The following DMD variants were observed in gnomAD, a reference collection of about 807,000 sequenced individuals.
The protein encoded by DMD is dystrophin, also known as mutant dystrophin.
DMD carries 63 observed loss-of-function variants against 330.1 expected under a neutral mutation model. That is an observed-to-expected ratio of 0.19 (90% confidence interval 0.16 to 0.24). The LOEUF (loss-of-function observed/expected upper bound fraction) is 0.24. Ranked by LOEUF, DMD falls within the 10% of genes least tolerant of loss-of-function variation. The pLI is 1.00. For synonymous variants in DMD, 1,223 were observed against 959.8 expected, an observed-to-expected ratio of 1.27 and a Z score of -5.07; for missense variants, 3,344 against 2,684.1, an observed-to-expected ratio of 1.25 and a Z score of -5.43.
intron 48 of DMD, among the ~76,000 whole-genome samples, chrX:31,854,293 C>A (rs891076052): frequency 1.8e-5 from 2 of 111,413 alleles, no homozygotes; most frequent in Non-Finnish European, 3.8e-5. Flanking sequence ...GCACATTTTT[C>A]TTGGTGAAAA....
Position 33,328,418 on chromosome X carries a change from G to A in DMD, c.7+10841C>T, listed in dbSNP as rs185397802. On this transcript the variant is annotated intron_variant, in intron 1 of 17. Transcript: ENST00000288447. ...TCACCATATTGGCCAGGCTGGTCTC[G>A]AACTCCTGACCTCATGATACACCCA... Among the ~76,000 whole-genome samples, 31 of 110,194 alleles carry A rather than the reference G, an allele frequency of 2.8e-4. 1 individual carries two copies. The South Asian group carries it at 9.5e-3, about 34-fold the overall frequency.
Position 33,062,712 on chromosome X carries a change from G to A in DMD, c.32-42512C>T, listed in dbSNP as rs750323842. Among the ~76,000 whole-genome samples the A allele has an allele frequency of 1.3e-4, 15 of 111,488 alleles. No homozygotes were observed. The East Asian group carries it at 2.0e-3, about 15-fold the overall frequency. On this transcript the variant is annotated intron_variant, in intron 1 of 78. Coordinates refer to ENST00000357033, the MANE Select transcript of DMD (RefSeq NM_004006.3). ...GGCTGGTCTTGAACTCCTGGCCTCCGGTGATCCACCCGCCTCGGCCTCCCA... is the reference window on the plus strand; with the variant it reads ...GGCTGGTCTTGAACTCCTGGCCTCCAGTGATCCACCCGCCTCGGCCTCCCA...
rs1488051855 is a variant in DMD, at chrX:32,156,971, C to T, written c.6438+59945G>A. Among the ~76,000 whole-genome samples the T allele has an allele frequency of 2.7e-5, 3 of 112,020 alleles. No homozygotes were observed. In the East Asian group the frequency reaches 8.4e-4, roughly 31 times the overall value. On this transcript the variant is annotated intron_variant, in intron 44 of 78. Transcript: ENST00000357033. ...TCCGCCAAGCGCCTATTTACAGGCA[C>T]AGGTGTGTGCCTATCGGGACAGCTG...
intron 34 of DMD, among the ~76,000 whole-genome samples, chrX:32,373,319 G>A (rs1603631935): frequency 9.2e-6 from 1 of 108,742 alleles, no homozygotes; most frequent in East Asian, 2.9e-4. Flanking sequence ...ACTCATTCAA[G>A]AAGAAGACAT....
At chrX:31,387,157 G>A (rs923441391) in intron 60 of DMD, among the ~76,000 whole-genome samples, 2 of 111,391 alleles carry the variant, frequency 1.8e-5, no homozygotes, top group Non-Finnish European at 3.8e-5. Context: ...AGACTCTATA[G>A]GAAGCTAAAA....
At chrX:31,233,423 G>A (rs17340602) in intron 63 of DMD, among the ~76,000 whole-genome samples, 1 of 111,456 alleles carries the variant, frequency 9.0e-6, no homozygotes, top group African/African-American at 3.3e-5. Context: ...GTTATAAAAG[G>A]TAAGACTCTA....
At chrX:33,228,734 T>C (rs1200043924) in intron 1 of DMD, among the ~76,000 whole-genome samples, 1 of 106,833 alleles carries the variant, frequency 9.4e-6, no homozygotes, top group Non-Finnish European at 1.9e-5. Context: ...TGAGACAGGG[T>C]CTCACTCTGT....
intron 76 of DMD, among the ~76,000 whole-genome samples, chrX:31,142,952 T>C (rs890414064): frequency 1.8e-5 from 2 of 112,013 alleles, no homozygotes; most frequent in African/African-American, 6.5e-5. Context: ...ACTTGTCTCA[T>C]GTTTCACTTA....
intron 23 of DMD, among the ~76,000 whole-genome samples, chrX:32,466,351 G>A (rs956150050): frequency 6.3e-5 from 7 of 111,275 alleles, no homozygotes; most frequent in Admixed American, 5.7e-4. Flanking sequence ...CCTATGTTCC[G>A]ATAATATTTC....
intron 43 of DMD, among the ~76,000 whole-genome samples, chrX:32,218,142 G>A (rs983792011): frequency 9.0e-6 from 1 of 111,588 alleles, no homozygotes; most frequent in African/African-American, 3.3e-5. Flanking sequence ...TAAGACAGTT[G>A]CACATAAGAA....
chrX:31,874,236 G>A (rs1244519544), intron 48 of DMD, among the ~76,000 whole-genome samples: 2 of 111,322 alleles, frequency 1.8e-5, no homozygotes, highest in African/African-American at 3.3e-5. Flanking sequence ...AAAGAAGAGA[G>A]AAAACCAAGA....
At chrX:32,362,750 T>A (rs1246030586) in intron 37 of DMD, 38 bp downstream of exon 37, 2 of 1,204,574 alleles carry the variant, frequency 1.7e-6, no homozygotes, top group Non-Finnish European at 1.1e-6. Context: ...CAAGAGACCA[T>A]TTAGCACAAG....
intron 16 of DMD, among the ~76,000 whole-genome samples, chrX:32,559,285 G>C (rs1442709283): frequency 9.0e-6 from 1 of 110,992 alleles, no homozygotes; most frequent in Non-Finnish European, 1.9e-5. Context: ...ACTTTAACCT[G>C]AGGAATTACC....
chrX:32,875,683 G>A (rs773429194), intron 2 of DMD, among the ~76,000 whole-genome samples: 1 of 111,896 alleles, frequency 8.9e-6, no homozygotes, highest in African/African-American at 3.2e-5. Context: ...CCAGAAAACC[G>A]AATGGTCTTT....
chrX:33,165,655 C>T (rs1229114615), intron 1 of DMD, among the ~76,000 whole-genome samples: 1 of 111,376 alleles, frequency 9.0e-6, no homozygotes, highest in African/African-American at 3.3e-5. Context: ...TAAGGGACGA[C>T]ATAGGATCAC....
intron 1 of DMD, among the ~76,000 whole-genome samples, chrX:33,291,969 T>A (rs764862903): frequency 8.9e-6 from 1 of 111,970 alleles, no homozygotes; most frequent in Admixed American, 9.6e-5. Context: ...TTAATACACA[T>A]TGTCCACATT....
intron 7 of DMD, among the ~76,000 whole-genome samples, chrX:32,761,692 A>T (rs766573602): frequency 8.9e-6 from 1 of 111,909 alleles, no homozygotes; most frequent in South Asian, 3.8e-4. Flanking sequence ...CAGTACTACC[A>T]GGATGGTGCC....
At chrX:32,457,789 T>A (rs764836485) in intron 25 of DMD, among the ~76,000 whole-genome samples, 1 of 109,949 alleles carries the variant, frequency 9.1e-6, no homozygotes, top group Non-Finnish European at 1.9e-5. Flanking sequence ...AAGAGTATAC[T>A]GACCCAGAGA....
intron 1 of DMD, among the ~76,000 whole-genome samples, chrX:33,173,908 G>T (rs1211381527): frequency 9.2e-6 from 1 of 108,797 alleles, no homozygotes; most frequent in African/African-American, 3.3e-5. Flanking sequence ...AAAATAAGAG[G>T]GCAGAGGGAA....
Sources: gnomAD v4.1 joint callset for allele counts (sites outside exome capture counted in the v4.1 genomes callset) on GRCh38, gnomAD v4.1.1 for gene constraint, MANE v1.5 for transcripts, NCBI Gene and HGNC (gene_info 2026-07-23, HGNC 2026-07-21) for gene names.